The following IFT57 variants were observed in gnomAD, a reference collection of about 807,000 sequenced individuals.
IFT57 encodes the protein intraflagellar transport 57.
In IFT57, 59 loss-of-function variants were observed where a neutral mutation model predicts 56.8. The ratio of observed to expected loss-of-function variants is 1.04; its 90% CI spans 0.84 to 1.29. IFT57 has a LOEUF of 1.29. Ranked by LOEUF, IFT57 falls within the 50% of genes most tolerant of loss-of-function variation. The pLI, the probability that IFT57 is intolerant of heterozygous loss-of-function variation, is 0.00. For synonymous variants in IFT57, 209 were observed against 186.1 expected, an observed-to-expected ratio of 1.12 and a Z score of -1.00; for missense variants, 470 against 522.1, an observed-to-expected ratio of 0.90 and a Z score of 0.97.
chr3:108,192,317 AATTT>A (rs141090090), intron 5 of IFT57, among the ~76,000 whole-genome samples: 14,607 of 152,168 alleles, frequency 0.096, 750 homozygotes, highest in Middle Eastern at 0.12. Context: ...TTGAAGTGAT[AATTT>A]ATTAGGTCAA....
chr3:108,163,536 A>T, intron 10 of IFT57, 127 bp downstream of exon 10: 1 of 650,940 alleles, frequency 1.5e-6, no homozygotes, highest in Non-Finnish European at 2.7e-6. Context: ...TTTTTGTACA[A>T]TGAATCTCTC....
intron 7 of IFT57, 84 bp downstream of exon 7, chr3:108,167,709 C>G (rs994534520): frequency 2.1e-6 from 2 of 942,010 alleles, no homozygotes; most frequent in Non-Finnish European, 3.0e-6. Context: ...AAAATTGTGT[C>G]TTTTTATTCT....
chr3:108,176,939 A>C (rs1270238102), intron 6 of IFT57, among the ~76,000 whole-genome samples: 1 of 151,832 alleles, frequency 6.6e-6, no homozygotes, highest in Non-Finnish European at 1.5e-5. Flanking sequence ...TTCCCTTAAA[A>C]TGTCTACTAA....
At chr3:108,221,523 G>T (rs1214776165) in intron 1 of IFT57, among the ~76,000 whole-genome samples, 6 of 152,204 alleles carry the variant, frequency 3.9e-5, no homozygotes, top group Non-Finnish European at 7.3e-5. Flanking sequence ...GTTTCTGAGA[G>T]TATGGTTATT....
chr3:108,176,056 G>T (rs1009313424), intron 6 of IFT57, among the ~76,000 whole-genome samples: 1 of 151,674 alleles, frequency 6.6e-6, no homozygotes, highest in Non-Finnish European at 1.5e-5. Flanking sequence ...ATCAAAAAAC[G>T]TTACTTCTAT....
intron 6 of IFT57, among the ~76,000 whole-genome samples, chr3:108,184,930 C>G (rs950313956): frequency 2.0e-5 from 3 of 152,130 alleles, no homozygotes; most frequent in African/African-American, 7.2e-5. Flanking sequence ...ACTTGCAATG[C>G]TGGAAGTGCT....
chr3:108,171,036 T>C (rs1370672152), intron 6 of IFT57, among the ~76,000 whole-genome samples: 1 of 151,956 alleles, frequency 6.6e-6, no homozygotes, highest in Non-Finnish European at 1.5e-5. Flanking sequence ...TCTGTTTGCA[T>C]ACCCTGATGC....
chr3:108,189,535 T>C (rs941632664), intron 6 of IFT57, among the ~76,000 whole-genome samples: 1 of 152,144 alleles, frequency 6.6e-6, no homozygotes, highest in Admixed American at 6.5e-5. Context: ...TAGAACCTCA[T>C]TCCATAACAC....
chr3:108,180,731 T>C (rs990172421), intron 6 of IFT57, among the ~76,000 whole-genome samples: 1 of 152,038 alleles, frequency 6.6e-6, no homozygotes, highest in African/African-American at 2.4e-5. Flanking sequence ...ACTACTCTAA[T>C]ATAATTGATT....
intron 6 of IFT57, among the ~76,000 whole-genome samples, chr3:108,173,968 T>C (rs1322236983): frequency 6.9e-6 from 1 of 145,348 alleles, no homozygotes; most frequent in Non-Finnish European, 1.5e-5. Flanking sequence ...GTGTCCTATT[T>C]AGTAAAAATC....
chr3:108,196,282 C>G (rs938005788), intron 5 of IFT57, among the ~76,000 whole-genome samples: 1 of 152,194 alleles, frequency 6.6e-6, no homozygotes, highest in African/African-American at 2.4e-5. Context: ...ACCCCTCTTT[C>G]TTTCCCTCCT....
intron 6 of IFT57, among the ~76,000 whole-genome samples, chr3:108,168,526 G>A (rs1043594026): frequency 1.3e-5 from 2 of 151,880 alleles, no homozygotes; most frequent in Non-Finnish European, 2.9e-5. Flanking sequence ...TGTGCAGAAT[G>A]TGCAAGTTTG....
At chr3:108,189,717 AG>A (rs2080204437) in intron 6 of IFT57, among the ~76,000 whole-genome samples, 1 of 152,104 alleles carries the variant, frequency 6.6e-6, no homozygotes, top group South Asian at 2.1e-4. Flanking sequence ...AACAATGCAG[AG>A]GTTGGTCGTT....
rs565225525 is a variant in IFT57 at position 108,161,411 on chromosome 3, GA to G, written c.*1065del. The G allele has an allele frequency of 2.4e-3, 360 of 151,236 alleles. 2 individuals carry two copies. The highest frequency in any genetic ancestry group is 8.2e-3 in the African/African-American group (339 of 41,238). 9.4% of individuals were successfully genotyped at this position (151,236 alleles called of 1,614,324 possible). A position where few individuals can be genotyped will look rare whatever the true frequency, so the allele number is the denominator to read the frequency against. On this transcript the variant is annotated 3_prime_UTR_variant, in exon 11 of 11. Coordinates refer to ENST00000264538, the MANE Select transcript of IFT57 (RefSeq NM_018010.4). ...AATACATCTAGAAAGAAAAAGCTAA[GA>G]AAAAAATAATAATATTCAGTGGAGA...
intron 6 of IFT57, among the ~76,000 whole-genome samples, chr3:108,182,124 C>T (rs1341781045): frequency 1.3e-5 from 2 of 152,126 alleles, no homozygotes; most frequent in East Asian, 3.9e-4. Context: ...CTCTTCATTC[C>T]TAAATTATAA....
In IFT57 at chr3:108,179,089, G is replaced by A. The variant is rs189926002; in HGVS notation, c.778-11225C>T. Among the ~76,000 whole-genome samples the A allele has an allele frequency of 6.8e-4, 104 of 152,064 alleles. No homozygotes were observed. In the East Asian group the frequency reaches 0.016, roughly 23 times the overall value. On this transcript the variant is annotated intron_variant, in intron 6 of 10. Coordinates refer to ENST00000264538, the MANE Select transcript of IFT57 (RefSeq NM_018010.4). Reference sequence around the variant, plus strand: ...TAGGCAAATCCGCCACTGAAAGAGTGGAGAGCTAGAGGCTGTCTGCTGACC... The same window carrying A: ...TAGGCAAATCCGCCACTGAAAGAGTAGAGAGCTAGAGGCTGTCTGCTGACC...
chr3:108,221,942 G>T, intron 1 of IFT57, 169 bp downstream of exon 1: 2 of 1,340,622 alleles, frequency 1.5e-6, no homozygotes, highest in Non-Finnish European at 2.0e-6. Context: ...GGCTGCGTGA[G>T]CTCCACGGAC....
chr3:108,170,911 C>A (rs1194116271), intron 6 of IFT57, among the ~76,000 whole-genome samples: 1 of 151,914 alleles, frequency 6.6e-6, no homozygotes, highest in East Asian at 1.9e-4. Flanking sequence ...AAAGGATTCC[C>A]TATTTAATAC....
rs529513089 is a variant in IFT57, at chr3:108,181,854, A to AT, written c.777+9666dup. Among the ~76,000 whole-genome samples, 178 of 151,996 alleles carry AT rather than the reference A, an allele frequency of 1.2e-3. 1 individual carries two copies. The highest frequency in any genetic ancestry group is 4.0e-3 in the African/African-American group (168 of 41,488). On this transcript the variant is annotated intron_variant, in intron 6 of 10. Coordinates refer to ENST00000264538, the MANE Select transcript of IFT57 (RefSeq NM_018010.4). Reference sequence around the variant, plus strand: ...TTGTTACTGGTAATTGTAAAAGCTAATTTTTTTTATTTGGCACCTTGTTTT... The same window carrying AT: ...TTGTTACTGGTAATTGTAAAAGCTAATTTTTTTTTATTTGGCACCTTGTTTT...
Sources: allele counts gnomAD v4.1 joint callset (sites outside exome capture counted in the v4.1 genomes callset), GRCh38; gene constraint gnomAD v4.1.1; transcripts MANE v1.5; gene names NCBI Gene and HGNC (gene_info 2026-07-23, HGNC 2026-07-21).